The following FBXL17 variants were observed in gnomAD, a reference collection of about 807,000 sequenced individuals.
FBXL17 encodes F-box and leucine rich repeat protein 17, also known as F-box/LRR-repeat protein 17.
Under a neutral mutation model 66.2 loss-of-function variants are expected in FBXL17, and 22 were observed. That is an observed-to-expected ratio of 0.33 (90% CI 0.24 to 0.47). FBXL17 has a LOEUF of 0.47. FBXL17 is among the 20% of genes least tolerant of loss of function. FBXL17 has a pLI of 1.00. For missense variants in FBXL17, 878 were observed against 948.2 expected, an observed-to-expected ratio of 0.93 and a Z score of 0.97; for synonymous variants, 474 against 400.5, an observed-to-expected ratio of 1.18 and a Z score of -2.19.
intron 5 of FBXL17, among the ~76,000 whole-genome samples, chr5:108,195,641 G>A (rs1332515198): frequency 6.6e-6 from 1 of 152,128 alleles, no homozygotes; most frequent in African/African-American, 2.4e-5. Context: ...CCAAGCTTCT[G>A]TGTTGAATTC....
Position 108,016,530 on chromosome 5 carries a change from G to A in FBXL17, c.1822+4395C>T, listed in dbSNP as rs571520058. 2.0e-5 allele frequency among the ~76,000 whole-genome samples: 3 copies of A among 152,272 alleles called. No homozygotes were observed. In the East Asian group the frequency reaches 5.8e-4, roughly 29 times the overall value. On this transcript the variant is annotated intron_variant, in intron 7 of 8. Transcript: ENST00000542267. ...TGTGACAACTCAGAAAGAAACCTGG[G>A]TCATTTTACAACTGCCCCCTGACAC...
intron 7 of FBXL17, among the ~76,000 whole-genome samples, chr5:108,019,171 G>A (rs1461092855): frequency 6.6e-6 from 1 of 152,138 alleles, no homozygotes; most frequent in East Asian, 1.9e-4. Context: ...GATACATACA[G>A]AAGCATGAAG....
chr5:107,897,923 A>G (rs547407716), intron 7 of FBXL17, among the ~76,000 whole-genome samples: 1 of 152,064 alleles, frequency 6.6e-6, no homozygotes, highest in Admixed American at 6.6e-5. Flanking sequence ...GAAAGAAAGA[A>G]AGAAAGAAAA....
chr5:108,136,220 C>T (rs769245816), intron 6 of FBXL17, among the ~76,000 whole-genome samples: 1 of 151,994 alleles, frequency 6.6e-6, no homozygotes, highest in African/African-American at 2.4e-5. Flanking sequence ...TATTTATGAG[C>T]CTAACTCTTT....
At chr5:108,358,509 C>A (rs1748140681) in intron 3 of FBXL17, among the ~76,000 whole-genome samples, 1 of 151,986 alleles carries the variant, frequency 6.6e-6, no homozygotes, top group African/African-American at 2.4e-5. Context: ...GTATGTTGAG[C>A]CACCCTTGTA....
chr5:108,069,825 A>G (rs1232066849), intron 6 of FBXL17, among the ~76,000 whole-genome samples: 1 of 152,230 alleles, frequency 6.6e-6, no homozygotes, highest in Non-Finnish European at 1.5e-5. Context: ...GATGCCTGAA[A>G]CAAAGTTCTA....
intron 6 of FBXL17, among the ~76,000 whole-genome samples, chr5:108,032,021 TA>T (rs1746662117): frequency 6.6e-6 from 1 of 152,202 alleles, no homozygotes; most frequent in Non-Finnish European, 1.5e-5. Context: ...TGCTAACATC[TA>T]CTTTGTCATT....
intron 6 of FBXL17, among the ~76,000 whole-genome samples, chr5:108,174,947 C>T (rs887246312): frequency 6.6e-6 from 1 of 152,070 alleles, no homozygotes; most frequent in African/African-American, 2.4e-5. Flanking sequence ...CTATGGCTTT[C>T]AGACAAATGG....
intron 7 of FBXL17, among the ~76,000 whole-genome samples, chr5:107,944,296 T>C (rs1261565707): frequency 1.3e-5 from 2 of 152,234 alleles, no homozygotes; most frequent in Non-Finnish European, 2.9e-5. Context: ...TCCAAATGAA[T>C]GTAATGGTAG....
intron 7 of FBXL17, among the ~76,000 whole-genome samples, chr5:107,893,824 T>G (rs929151397): frequency 2.6e-5 from 4 of 152,120 alleles, no homozygotes; most frequent in African/African-American, 7.2e-5. Flanking sequence ...AGTATGCAGT[T>G]TGGAAAAAGC....
chr5:108,188,842 T>C (rs1396654398), intron 5 of FBXL17, among the ~76,000 whole-genome samples: 1 of 152,212 alleles, frequency 6.6e-6, no homozygotes, highest in Non-Finnish European at 1.5e-5. Context: ...ATTGTAGCTT[T>C]TTTTTTAAGT....
At chr5:107,953,343 C>T (rs1284623579) in intron 7 of FBXL17, among the ~76,000 whole-genome samples, 1 of 142,592 alleles carries the variant, frequency 7.0e-6, no homozygotes, top group Non-Finnish European at 1.5e-5. Context: ...GTGGAGCTTG[C>T]AGTGAGCCGA....
chr5:108,114,351 A>G (rs142671318), intron 6 of FBXL17, among the ~76,000 whole-genome samples: 254 of 152,196 alleles, frequency 1.7e-3, no homozygotes, highest in African/African-American at 5.9e-3. Flanking sequence ...TCTTGTTTCC[A>G]AATTATTATA....
At chr5:107,863,152 A>G (rs903740541) in intron 8 of FBXL17, among the ~76,000 whole-genome samples, 1 of 151,542 alleles carries the variant, frequency 6.6e-6, no homozygotes, top group African/African-American at 2.4e-5. Context: ...GAATAAAAAA[A>G]GGAAAACTGA....
At chr5:108,370,139 T>C (rs1748928452) in intron 1 of FBXL17, among the ~76,000 whole-genome samples, 2 of 152,190 alleles carry the variant, frequency 1.3e-5, no homozygotes, top group African/African-American at 4.8e-5. Context: ...AGAAAATATG[T>C]GCAGGCATGG....
chr5:108,154,648 C>CATATATATGTGTATATATATACATAT (rs202122522), intron 6 of FBXL17, among the ~76,000 whole-genome samples: 1 of 116,192 alleles, frequency 8.6e-6, no homozygotes, highest in Non-Finnish European at 1.7e-5. Flanking sequence ...CACACACACA[C>CATATATATGTGTATATATATACATAT]ATATATGTAT....
At position 108,024,053 on chromosome 5, in the gene FBXL17, AT is replaced by A. The variant is rs138838790; in HGVS notation, c.1746-3053del. ...AGAATCTAGAATTCAAGTTATTCCTATTTTTCCCCAACCCCTTGTCCCCATC... is the reference window on the plus strand; with the variant it reads ...AGAATCTAGAATTCAAGTTATTCCTATTTTCCCCAACCCCTTGTCCCCATC... On this transcript the variant is annotated intron_variant, in intron 6 of 8. Transcript: ENST00000542267. Among the ~76,000 whole-genome samples the A allele has an allele frequency of 6.3e-3, 965 of 152,150 alleles. 7 individuals carry two copies. Among genetic ancestry groups the A allele is most frequent in the African/African-American group, 0.023 (938 of 41,528 alleles).
chr5:108,342,752 T>C (rs1314265230), intron 4 of FBXL17, among the ~76,000 whole-genome samples: 1 of 152,206 alleles, frequency 6.6e-6, no homozygotes. Context: ...ATGTGGTAGT[T>C]ATGAGGATTA....
At chr5:107,915,255 AT>A (rs1750086940) in intron 7 of FBXL17, among the ~76,000 whole-genome samples, 1 of 152,100 alleles carries the variant, frequency 6.6e-6, no homozygotes, top group African/African-American at 2.4e-5. Flanking sequence ...TAAGTAAAAC[AT>A]TTTTGCCAAT....
Sources: allele counts gnomAD v4.1 joint callset (sites outside exome capture counted in the v4.1 genomes callset), GRCh38; gene constraint gnomAD v4.1.1; transcripts MANE v1.5; gene names NCBI Gene and HGNC (gene_info 2026-07-23, HGNC 2026-07-21).